COL22A1: variants seen among roughly 807,000 people sequenced by gnomAD.
COL22A1 encodes collagen alpha-1(XXII) chain.
COL22A1 carries 221 observed loss-of-function variants against 248.9 expected under a neutral mutation model. That is an observed-to-expected ratio of 0.89 (90% CI 0.80 to 0.99). The LOEUF is 0.99. COL22A1 is among the 50% of genes least tolerant of loss of function. The probability of loss-of-function intolerance (pLI) is 0.00; values close to 1 mark genes in which losing one functional copy is unlikely to be tolerated. For synonymous variants in COL22A1, 891 were observed against 793.4 expected (o/e 1.12, Z -2.07); for missense variants, 2,240 against 2,179.0 (o/e 1.03, Z -0.56).
intron 7 of COL22A1, among the ~76,000 whole-genome samples, chr8:138,820,298 T>TG: frequency 6.6e-6 from 1 of 152,104 alleles, no homozygotes; most frequent in South Asian, 2.1e-4. Flanking sequence ...TCTCAGGCAG[T>TG]GGGGGATGCT....
At chr8:138,723,672 C>T (rs1203050134) in intron 25 of COL22A1, among the ~76,000 whole-genome samples, 1 of 152,166 alleles carries the variant, frequency 6.6e-6, no homozygotes, top group Non-Finnish European at 1.5e-5. Context: ...GAAACGTTTG[C>T]CGGTGATGGT....
chr8:138,864,114 TC>T (rs1193847109), intron 3 of COL22A1, among the ~76,000 whole-genome samples: 1 of 152,018 alleles, frequency 6.6e-6, no homozygotes, highest in African/African-American at 2.4e-5. Flanking sequence ...AAGGGACCAT[TC>T]CCATTTGGAC....
chr8:138,720,800 G>A lies in COL22A1; in HGVS notation c.2302-8C>T. 1 of 1,611,196 alleles carries A rather than the reference G, an allele frequency of 6.2e-7. No individual in the cohort carries two copies. Among genetic ancestry groups the A allele is most frequent in the South Asian group, 1.1e-5 (1 of 91,000 alleles). On this transcript the variant is annotated splice_region_variant and splice_polypyrimidine_tract_variant and intron_variant, in intron 26 of 64. Transcript: ENST00000303045. ...TCTTTCTCCTGGTTCTCCCTGGAAG[G>A]AATACAGAGCAAAGTTAACAGGAGA...
chr8:138,705,700 A>G (rs1480761020), intron 30 of COL22A1, among the ~76,000 whole-genome samples: 1 of 152,240 alleles, frequency 6.6e-6, no homozygotes, highest in Non-Finnish European at 1.5e-5. Context: ...AACACCACCC[A>G]TGCTAGGAAG....
At chr8:138,866,721 C>T (rs572704985) in intron 3 of COL22A1, among the ~76,000 whole-genome samples, 1 of 152,362 alleles carries the variant, frequency 6.6e-6, no homozygotes, top group Admixed American at 6.5e-5. Context: ...CATATTGAAC[C>T]TCAAACCCCT....
intron 60 of COL22A1, among the ~76,000 whole-genome samples, chr8:138,601,370 C>T (rs902231818): frequency 5.9e-5 from 9 of 152,100 alleles, no homozygotes; most frequent in Admixed American, 2.0e-4. Flanking sequence ...CGGCTCCCCA[C>T]CCACCCCACT....
At position 138,809,528 on chromosome 8, in the gene COL22A1, C is replaced by CTTTTTTTTTTTTTTTTTTTTT. The variant is rs71518485; in HGVS notation, c.1450-1717_1450-1716insAAAAAAAAAAAAAAAAAAAAA. Among the ~76,000 whole-genome samples the CTTTTTTTTTTTTTTTTTTTTT allele has an allele frequency of 2.5e-3, 299 of 117,548 alleles. 20 individuals are homozygous for CTTTTTTTTTTTTTTTTTTTTT. Among genetic ancestry groups the CTTTTTTTTTTTTTTTTTTTTT allele is most frequent in the African/African-American group, 2.9e-3 (87 of 30,144 alleles). The allele number at this position is 117,548 out of a possible 152,430, so 77.1% of individuals were successfully genotyped here. ...TTTCTTCTTCTCTTTTTTTCTTTTT[C>CTTTTTTTTTTTTTTTTTTTTT]TTTTTTTTTTGAGACAGAGTCTCAC... On this transcript the variant is annotated intron_variant, in intron 9 of 64. Transcript: ENST00000303045.
At chr8:138,597,272 T>C (rs1445929777) in intron 61 of COL22A1, among the ~76,000 whole-genome samples, 1 of 152,172 alleles carries the variant, frequency 6.6e-6, no homozygotes, top group East Asian at 1.9e-4. Flanking sequence ...ACTGTGCCCA[T>C]TAATTCCACT....
intron 19 of COL22A1, 85 bp downstream of exon 19, chr8:138,755,700 T>C (rs1273076717): frequency 1.4e-6 from 2 of 1,440,270 alleles, no homozygotes; most frequent in Non-Finnish European, 2.0e-6. Flanking sequence ...GGAAGAGCGT[T>C]GCCTTATTCT....
intron 47 of COL22A1, among the ~76,000 whole-genome samples, chr8:138,643,647 T>TAGATAGATAGACAGACAGACAGACAGAC (rs568597361): frequency 3.8e-3 from 102 of 26,620 alleles, no homozygotes; most frequent in African/African-American, 5.6e-3. Flanking sequence ...GATAGATAGA[T>TAGATAGATAGACAGACAGACAGACAGAC]AGACAGATAG....
At chr8:138,657,716 G>T (rs1240693907) in intron 44 of COL22A1, among the ~76,000 whole-genome samples, 1 of 152,102 alleles carries the variant, frequency 6.6e-6, no homozygotes, top group Admixed American at 6.5e-5. Flanking sequence ...TGGGCCCAAT[G>T]GGCTCAGAGA....
At position 138,656,004 on chromosome 8, in the gene COL22A1, C is replaced by A. The variant is rs116043274; in HGVS notation, c.3286-60G>T. On this transcript the variant is annotated intron_variant, in intron 44 of 64. Transcript: ENST00000303045. ...ATGCATATATACAATAAATCCCAGG[C>A]ATCTTCAGAAAGCAAAAGGACTTTA... is the stretch of plus-strand genomic sequence containing the variant. 2.9e-3 allele frequency: 4,048 copies of A among 1,387,868 alleles called. 83 individuals carry two copies. The African/African-American group carries it at 0.053, about 18-fold the overall frequency. The allele number at this position is 1,387,868 out of a possible 1,614,324, so 86.0% of individuals were successfully genotyped here.
chr8:138,648,528 A>C (rs966162328), intron 46 of COL22A1, among the ~76,000 whole-genome samples: 2 of 152,196 alleles, frequency 1.3e-5, no homozygotes. Context: ...GATCATTGTC[A>C]GTTCTTTATC....
intron 3 of COL22A1, among the ~76,000 whole-genome samples, chr8:138,868,865 G>A (rs576461031): frequency 1.7e-3 from 253 of 152,054 alleles, no homozygotes; most frequent in African/African-American, 5.9e-3. Flanking sequence ...TGAGTAGCTG[G>A]GATTATAGGC....
intron 41 of COL22A1, among the ~76,000 whole-genome samples, chr8:138,672,286 T>C (rs1162659301): frequency 6.6e-6 from 1 of 152,232 alleles, no homozygotes; most frequent in African/African-American, 2.4e-5. Flanking sequence ...ATCTGTGAGA[T>C]AAATGAGAGG....
At chr8:138,844,023 T>G in intron 4 of COL22A1, 61 bp downstream of exon 4, 1 of 1,443,786 alleles carries the variant, frequency 6.9e-7, no homozygotes, top group Non-Finnish European at 9.8e-7. Context: ...ACTAGGGTCA[T>G]GCTCAGGCTC....
At chr8:138,901,358 G>GTTTTTTTTTTTTTTTTTTTTTTTTT (rs146670099) in intron 1 of COL22A1, among the ~76,000 whole-genome samples, 1 of 131,514 alleles carries the variant, frequency 7.6e-6, no homozygotes, top group Non-Finnish European at 1.6e-5. Context: ...TTACTGGCAG[G>GTTTTTTTTTTTTTTTTTTTTTTTTT]TTTTTTTTTT....
At chr8:138,856,662 A>AAG (rs1173706122) in intron 3 of COL22A1, among the ~76,000 whole-genome samples, 43 of 150,916 alleles carry the variant, frequency 2.8e-4, no homozygotes, top group African/African-American at 9.7e-4. Context: ...GAGACACAGC[A>AAG]AGAGAGAGAG....
At chr8:138,795,387 T>C (rs73720790) in intron 12 of COL22A1, among the ~76,000 whole-genome samples, 3,020 of 152,300 alleles carry the variant, frequency 0.02, 123 homozygotes, top group African/African-American at 0.069. Flanking sequence ...GAGGAGCTCA[T>C]TGTGAAATAA....
Sources: allele counts gnomAD v4.1 joint callset (sites outside exome capture counted in the v4.1 genomes callset), GRCh38; gene constraint gnomAD v4.1.1; transcripts MANE v1.5; gene names NCBI Gene and HGNC (gene_info 2026-07-23, HGNC 2026-07-21).